Variants in TBX5 observed in about 807,000 individuals in gnomAD.
The protein encoded by TBX5 is T-box transcription factor 5.
TBX5 carries 8 observed loss-of-function variants against 51.1 expected under a neutral mutation model. That is an observed-to-expected ratio of 0.16 (90% CI 0.09 to 0.28). The LOEUF (loss-of-function observed/expected upper bound fraction) is 0.28. Among genes scored for constraint, TBX5 ranks in the 10% least tolerant of loss-of-function variants. The pLI, the probability that TBX5 is intolerant of heterozygous loss-of-function variation, is 1.00. For missense variants in TBX5, 589 were observed against 671.7 expected (o/e 0.88, Z 1.36); for synonymous variants, 302 against 266.4 (o/e 1.13, Z -1.30).
intron 7 of TBX5, among the ~76,000 whole-genome samples, chr12:114,375,598 C>T (rs1324124661): frequency 6.6e-6 from 1 of 152,184 alleles, no homozygotes; most frequent in Non-Finnish European, 1.5e-5. Flanking sequence ...TATCACCTTA[C>T]ACCTGTTAGG....
chr12:114,354,080 G>A lies in TBX5; in HGVS notation c.*1452C>T, dbSNP rs1268185566. On this transcript the variant is annotated 3_prime_UTR_variant, in exon 9 of 9. Coordinates refer to ENST00000405440, the MANE Select transcript of TBX5 (RefSeq NM_181486.4). ...TACAAACACACTCACACTCTCTCAC[G>A]TACTTAAACACACTCAGCCTCACAT... 3.9e-5 allele frequency: 6 copies of A among 152,140 alleles called. No homozygotes were observed. Among genetic ancestry groups the A allele is most frequent in the South Asian group, 4.2e-4 (2 of 4,810 alleles). The allele number at this position is 152,140 out of a possible 1,614,324, so 9.4% of individuals were successfully genotyped here. A position where few individuals can be genotyped will look rare whatever the true frequency, so the allele number is the denominator to read the frequency against.
intron 6 of TBX5, among the ~76,000 whole-genome samples, chr12:114,390,947 A>C (rs1436596047): frequency 6.6e-6 from 1 of 152,188 alleles, no homozygotes; most frequent in Non-Finnish European, 1.5e-5. Flanking sequence ...ATAAGTCCCA[A>C]ATCCAGCCCG....
chr12:114,404,697 C>T (rs1457582682), intron 1 of TBX5, among the ~76,000 whole-genome samples: 2 of 152,160 alleles, frequency 1.3e-5, no homozygotes, highest in Non-Finnish European at 2.9e-5. Flanking sequence ...GAGGAAGGCT[C>T]GTCACTGGGT....
intron 7 of TBX5, among the ~76,000 whole-genome samples, chr12:114,376,583 A>G (rs1180743545): frequency 4.6e-5 from 7 of 151,560 alleles, no homozygotes; most frequent in African/African-American, 1.7e-4. Flanking sequence ...ACGTACAGCA[A>G]TGTGAATACA....
chr12:114,366,497 GGAAAAAAAAGAGGTCTTTGAT>G, intron 7 of TBX5, 106 bp from the exon 8 acceptor site: 1 of 1,058,948 alleles, frequency 9.4e-7, no homozygotes, highest in South Asian at 1.3e-5. Context: ...CACAGAATAA[GGAAAAAAAAGAGGTCTTTGAT>G]GAATAAAATG....
intron 7 of TBX5, among the ~76,000 whole-genome samples, chr12:114,373,585 A>G (rs1870035880): frequency 6.6e-6 from 1 of 152,114 alleles, no homozygotes; most frequent in South Asian, 2.1e-4. Context: ...CAGCCTCCCA[A>G]GTAGCTGGGA....
intron 7 of TBX5, among the ~76,000 whole-genome samples, chr12:114,373,550 T>G (rs7965033): frequency 6.6e-6 from 1 of 152,104 alleles, no homozygotes; most frequent in Admixed American, 6.5e-5. Flanking sequence ...CCTCTGCCTC[T>G]CAGGTTCAAG....
intron 6 of TBX5, among the ~76,000 whole-genome samples, chr12:114,392,361 T>C (rs1871204329): frequency 6.6e-6 from 1 of 152,210 alleles, no homozygotes. Flanking sequence ...TATATACACA[T>C]GAAGCTTATC....
intron 6 of TBX5, among the ~76,000 whole-genome samples, chr12:114,393,160 T>C (rs772927653): frequency 6.6e-6 from 1 of 152,018 alleles, no homozygotes; most frequent in Non-Finnish European, 1.5e-5. Context: ...GAGGGGAGGA[T>C]TTGGGGTGCT....
intron 8 of TBX5, among the ~76,000 whole-genome samples, chr12:114,358,590 A>G (rs1407047258): frequency 6.6e-6 from 1 of 152,056 alleles, no homozygotes; most frequent in African/African-American, 2.4e-5. Flanking sequence ...ACTTATTTCC[A>G]CTAGACTCTT....
chr12:114,386,041 C>A (rs1014024152), intron 6 of TBX5, among the ~76,000 whole-genome samples: 1 of 152,112 alleles, frequency 6.6e-6, no homozygotes, highest in Admixed American at 6.5e-5. Flanking sequence ...TTCAAAAATT[C>A]TATTATGCCT....
At chr12:114,381,697 A>T (rs1192040192) in intron 7 of TBX5, among the ~76,000 whole-genome samples, 1 of 152,152 alleles carries the variant, frequency 6.6e-6, no homozygotes, top group Admixed American at 6.5e-5. Context: ...GCTCATACTG[A>T]TAAATGTAGA....
chr12:114,390,630 G>A (rs560417105), intron 6 of TBX5, among the ~76,000 whole-genome samples: 1 of 152,186 alleles, frequency 6.6e-6, no homozygotes, highest in Admixed American at 6.5e-5. Flanking sequence ...GAACCAGAAA[G>A]CTCATACCTC....
upstream of TBX5, among the ~76,000 whole-genome samples, chr12:114,406,476 C>T (rs1388540646): frequency 6.6e-6 from 1 of 152,136 alleles, no homozygotes; most frequent in Non-Finnish European, 1.5e-5. Context: ...CACACAAACA[C>T]ACCGCGGGCC....
At chr12:114,357,626 C>CTTAG (rs1868996810) in intron 8 of TBX5, among the ~76,000 whole-genome samples, 2 of 152,224 alleles carry the variant, frequency 1.3e-5, no homozygotes, top group African/African-American at 4.8e-5. Flanking sequence ...GCAGGGCTAA[C>CTTAG]ACCACCAGTC....
At chr12:114,361,563 T>G (rs937676664) in intron 8 of TBX5, among the ~76,000 whole-genome samples, 5 of 152,068 alleles carry the variant, frequency 3.3e-5, no homozygotes, top group Non-Finnish European at 5.9e-5. Flanking sequence ...TCGGGAGAGA[T>G]AGTTTGGAGA....
chr12:114,370,434 G>C (rs1334448658), intron 7 of TBX5, among the ~76,000 whole-genome samples: 2 of 152,140 alleles, frequency 1.3e-5, no homozygotes, highest in African/African-American at 4.8e-5. Flanking sequence ...GTCTCACCCA[G>C]GGTCAATCCT....
chr12:114,373,793 C>G (rs1870050537), intron 7 of TBX5, among the ~76,000 whole-genome samples: 1 of 152,228 alleles, frequency 6.6e-6, no homozygotes, highest in Non-Finnish European at 1.5e-5. Flanking sequence ...GGTAATAATT[C>G]ATCAAATAGT....
At chr12:114,356,168 G>T in intron 8 of TBX5, 62 bp from the exon 9 acceptor site, 1 of 1,538,778 alleles carries the variant, frequency 6.5e-7, no homozygotes, top group Non-Finnish European at 8.9e-7. Context: ...TAAAAGTGGA[G>T]ACAGTTATTT....
Sources: gnomAD v4.1 joint callset for allele counts (sites outside exome capture counted in the v4.1 genomes callset) on GRCh38, gnomAD v4.1.1 for gene constraint, MANE v1.5 for transcripts, NCBI Gene and HGNC (gene_info 2026-07-23, HGNC 2026-07-21) for gene names.